The following VSTM2L variants were observed in gnomAD, a reference collection of about 807,000 sequenced individuals.
VSTM2L encodes V-set and transmembrane domain-containing protein 2-like protein.
Under a neutral mutation model 19.9 loss-of-function variants are expected in VSTM2L, and 9 were observed. The ratio of observed to expected loss-of-function variants is 0.45; its 90% CI spans 0.27 to 0.79. The LOEUF is 0.79. Ranked by LOEUF, VSTM2L falls within the 30% of genes least tolerant of loss-of-function variation. The pLI, the probability that VSTM2L is intolerant of heterozygous loss-of-function variation, is 0.15. For synonymous variants in VSTM2L, 127 were observed against 133.8 expected, an observed-to-expected ratio of 0.95 and a Z score of 0.35; for missense variants, 286 against 295.5, an observed-to-expected ratio of 0.97 and a Z score of 0.24.
intron 3 of VSTM2L, among the ~76,000 whole-genome samples, chr20:37,942,359 G>A (rs1333903835): frequency 6.6e-6 from 1 of 152,204 alleles, no homozygotes; most frequent in Non-Finnish European, 1.5e-5. Context: ...GCGGGTGCCT[G>A]TAATCCCAGC....
At chr20:37,915,114 A>C (rs1443773105) in intron 1 of VSTM2L, among the ~76,000 whole-genome samples, 2 of 152,204 alleles carry the variant, frequency 1.3e-5, no homozygotes, top group Non-Finnish European at 2.9e-5. Context: ...TAGTGGAAAT[A>C]GTGCTCAAAA....
chr20:37,931,976 C>CA (rs1439150495), intron 2 of VSTM2L, among the ~76,000 whole-genome samples, 172 bp downstream of exon 2: 1 of 152,160 alleles, frequency 6.6e-6, no homozygotes, highest in African/African-American at 2.4e-5. Context: ...TTTAGGTGAT[C>CA]ATGGAGGCTT....
chr20:37,921,924 C>G (rs1195527657), intron 1 of VSTM2L, among the ~76,000 whole-genome samples: 1 of 145,180 alleles, frequency 6.9e-6, no homozygotes, highest in Non-Finnish European at 1.5e-5. Flanking sequence ...CCCACTGCAG[C>G]CTTGAACTCC....
chr20:37,943,910 C>CA (rs1390221183), intron 3 of VSTM2L, 71 bp from the exon 4 acceptor site: 2 of 249,542 alleles, frequency 8.0e-6, no homozygotes, highest in Non-Finnish European at 1.2e-5. Context: ...ATCTTGGGAC[C>CA]CCCCCCCCCG....
At chr20:37,907,008 C>A (rs1486552904) in intron 1 of VSTM2L, among the ~76,000 whole-genome samples, 1 of 152,240 alleles carries the variant, frequency 6.6e-6, no homozygotes, top group Non-Finnish European at 1.5e-5. Flanking sequence ...AGAAGCCTCA[C>A]ATGGCAGAGT....
chr20:37,942,689 A>G (rs113130308), intron 3 of VSTM2L, among the ~76,000 whole-genome samples: 41 of 152,346 alleles, frequency 2.7e-4, no homozygotes, highest in Non-Finnish European at 5.1e-4. Context: ...GGGGGTCACG[A>G]GTGTTCCATG....
At position 37,944,168 on chromosome 20, in the gene VSTM2L, C is replaced by A. The variant is rs756269274; in HGVS notation, c.530C>A (p.Pro177His). The A allele has an allele frequency of 6.4e-7, 1 of 1,557,424 alleles. No individual in the cohort carries two copies. Among genetic ancestry groups the A allele is most frequent in the South Asian group, 1.2e-5 (1 of 85,504 alleles). ...TCCGTCCTGCATCTGCCCGAAGCCC[C>A]TCCCGCCGCGCCCGCCCCGCCGCCC... ...ENSVLHLPEA[P>H]PAAPAPPPPK... Residue 177 changes from proline to histidine, a missense_variant, in exon 4 of 4, where the codon CCT (proline) becomes CAT (histidine). Physicochemically the swap from Pro to His is moderately conservative, Grantham distance 77 (BLOSUM62 -2). Coordinates refer to ENST00000373461, the MANE Select transcript of VSTM2L (RefSeq NM_080607.3).
intron 3 of VSTM2L, among the ~76,000 whole-genome samples, chr20:37,941,124 T>G (rs1467851977): frequency 6.6e-6 from 1 of 152,196 alleles, no homozygotes; most frequent in East Asian, 1.9e-4. Context: ...TGATGATTAT[T>G]TACGGAGTGC....
Position 37,944,161 on chromosome 20 carries a change from G to A in VSTM2L, c.523G>A (p.Glu175Lys), listed in dbSNP as rs1162018185. Residue 175 changes from glutamate (E) to lysine (K), a missense_variant, in exon 4 of 4, where the codon GAA (glutamate) becomes AAA (lysine). Transcript: ENST00000373461. ...GGAGAACTCCGTCCTGCATCTGCCC[G>A]AAGCCCCTCCCGCCGCGCCCGCCCC... ...PGENSVLHLP[E>K]APPAAPAPPP... is the part of the protein sequence containing the mutation. The A allele has an allele frequency of 6.3e-6, 10 of 1,575,216 alleles. No individual in the cohort carries two copies. Among genetic ancestry groups the A allele is most frequent in the Admixed American group, 3.6e-5 (2 of 55,436 alleles).
At chr20:37,909,644 G>A (rs998436267) in intron 1 of VSTM2L, among the ~76,000 whole-genome samples, 22 of 152,340 alleles carry the variant, frequency 1.4e-4, no homozygotes, top group African/African-American at 5.3e-4. Flanking sequence ...CTGCTGAGCA[G>A]AGCAAGGACA....
Position 37,943,981 on chromosome 20 carries a change from G to A in VSTM2L, c.343G>A (p.Val115Met), listed in dbSNP as rs750289791. The A allele has an allele frequency of 1.3e-6, 2 of 1,543,190 alleles. No homozygotes were observed. The highest frequency in any genetic ancestry group is 1.2e-5 in the South Asian group (1 of 84,196). Residue 115 changes from valine to methionine, a missense_variant and splice_region_variant, in exon 4 of 4, where the codon GTG becomes ATG. Val to Met is a conservative substitution (Grantham distance 21, BLOSUM62 1). Coordinates refer to ENST00000373461, the MANE Select transcript of VSTM2L (RefSeq NM_080607.3). ...DAGKEATKIS[V>M]VKVVGSNISH... ...GTCACGGTCTCTCTGTCACCCCCAG[G>A]TGGTCAAGGTGGTGGGCAGCAACAT...
intron 3 of VSTM2L, among the ~76,000 whole-genome samples, chr20:37,940,683 A>T (rs564824377): frequency 5.9e-4 from 90 of 152,360 alleles, no homozygotes; most frequent in Non-Finnish European, 1.0e-3. Context: ...TGCTATAAAG[A>T]ACTACCAGAG....
At chr20:37,934,934 G>A (rs1424522824) in intron 3 of VSTM2L, among the ~76,000 whole-genome samples, 3 of 152,048 alleles carry the variant, frequency 2.0e-5, no homozygotes, top group Non-Finnish European at 2.9e-5. Flanking sequence ...GTCCACCCCC[G>A]ACCCTCTGCC....
intron 3 of VSTM2L, among the ~76,000 whole-genome samples, chr20:37,937,276 G>A (rs2072946230): frequency 6.6e-6 from 1 of 152,118 alleles, no homozygotes; most frequent in Non-Finnish European, 1.5e-5. Flanking sequence ...TTTATTGAGT[G>A]CTTACCATAT....
At chr20:37,923,066 A>T (rs1326981569) in intron 1 of VSTM2L, among the ~76,000 whole-genome samples, 1 of 152,180 alleles carries the variant, frequency 6.6e-6, no homozygotes, top group Non-Finnish European at 1.5e-5. Flanking sequence ...CGTGAGGCAC[A>T]TGTTGTCTTG....
Position 37,945,280 on chromosome 20 carries a change from G to T in VSTM2L, c.*1027G>T. On this transcript the variant is annotated 3_prime_UTR_variant, in exon 4 of 4. Transcript: ENST00000373461. ...GGAGAGGCCGAGGGCTTTGCCTAGGGGTGGGTTGCCCTGTATACATGATCC... is the reference window on the plus strand; with the variant it reads ...GGAGAGGCCGAGGGCTTTGCCTAGGTGTGGGTTGCCCTGTATACATGATCC... The T allele has an allele frequency of 1.0e-6, 1 of 985,416 alleles. No individual in the cohort carries two copies. Among genetic ancestry groups the T allele is most frequent in the Non-Finnish European group, 1.2e-6 (1 of 829,938 alleles). 61.0% of individuals were successfully genotyped at this position (985,416 alleles called of 1,614,324 possible).
intron 1 of VSTM2L, among the ~76,000 whole-genome samples, chr20:37,913,987 C>T (rs1196865194): frequency 6.6e-6 from 1 of 152,008 alleles, no homozygotes; most frequent in Admixed American, 6.5e-5. Context: ...CGTGCACGGA[C>T]AGGAGAGGCT....
At chr20:37,916,152 GC>G (rs1304851886) in intron 1 of VSTM2L, among the ~76,000 whole-genome samples, 3 of 152,198 alleles carry the variant, frequency 2.0e-5, no homozygotes, top group African/African-American at 7.2e-5. Flanking sequence ...CTCAAATCCT[GC>G]CCCGCTCCAG....
chr20:37,937,136 G>A (rs1176949024), intron 3 of VSTM2L, among the ~76,000 whole-genome samples: 2 of 152,090 alleles, frequency 1.3e-5, no homozygotes, highest in Non-Finnish European at 2.9e-5. Flanking sequence ...TGGGAAAATC[G>A]CTTGAACCCA....
Sources: allele counts gnomAD v4.1 joint callset (sites outside exome capture counted in the v4.1 genomes callset), GRCh38; gene constraint gnomAD v4.1.1; transcripts MANE v1.5; gene names NCBI Gene and HGNC (gene_info 2026-07-23, HGNC 2026-07-21).